Variants in ATRX observed in about 807,000 individuals in gnomAD.
ATRX encodes ATRX chromatin remodeler.
Under a neutral mutation model 172.6 loss-of-function variants are expected in ATRX, and 12 were observed. The observed-to-expected ratio is 0.07, with a 90% CI of 0.04 to 0.11. The LOEUF is 0.11. ATRX is among the 10% of genes least tolerant of loss of function. The pLI is 1.00. For synonymous variants in ATRX, 674 were observed against 594.7 expected, an observed-to-expected ratio of 1.13 and a Z score of -1.94; for missense variants, 1,368 against 1,767.4, an observed-to-expected ratio of 0.77 and a Z score of 4.05.
At chrX:77,750,850 G>T (rs557812840) in intron 1 of ATRX, among the ~76,000 whole-genome samples, 43 of 111,632 alleles carry the variant, frequency 3.9e-4, no homozygotes, top group African/African-American at 1.3e-3. Flanking sequence ...ACCTGCAAAA[G>T]ACACGAACTC....
At chrX:77,685,636 C>T (rs2071509761) in intron 7 of ATRX, among the ~76,000 whole-genome samples, 1 of 111,119 alleles carries the variant, frequency 9.0e-6, no homozygotes, top group South Asian at 3.8e-4. Context: ...TGGGAGATTC[C>T]TCAAAAAAAC....
rs782406232 is a variant in ATRX at position 77,567,244 on chromosome X, T to C, written c.6326+7006A>G. On this transcript the variant is annotated intron_variant, in intron 28 of 34. Coordinates refer to ENST00000373344, the MANE Select transcript of ATRX (RefSeq NM_000489.6). ...GAACCAACTGAACAAAAAAATAAAA[T>C]GGTAGACTGAAGCCTTACATTAAAT... 9.0e-5 allele frequency among the ~76,000 whole-genome samples: 10 copies of C among 111,639 alleles called. No homozygotes were observed. In the South Asian group the frequency reaches 1.8e-3, roughly 21 times the overall value.
intron 27 of ATRX, among the ~76,000 whole-genome samples, chrX:77,577,591 TTATATA>T (rs1256890795): frequency 1.8e-5 from 2 of 111,249 alleles, no homozygotes; most frequent in African/African-American, 6.5e-5. Flanking sequence ...AAATTTTATG[TTATATA>T]TATATTTACC....
chrX:77,517,260 A>T (rs902356414), intron 34 of ATRX, among the ~76,000 whole-genome samples: 3 of 111,769 alleles, frequency 2.7e-5, no homozygotes, highest in African/African-American at 6.5e-5. Flanking sequence ...TTGAGAAGAT[A>T]AACAAAACTG....
At position 77,526,288 on chromosome X, in the gene ATRX, T is replaced by C. The variant is rs1346725853; in HGVS notation, c.6700-2887A>G. On this transcript the variant is annotated intron_variant, in intron 30 of 34. Transcript: ENST00000373344. ...GATTCCAGGGGAGGGGGAACTTATGTCTATTTTCTTACTTTTAGCACTTTT... is the reference window on the plus strand; with the variant it reads ...GATTCCAGGGGAGGGGGAACTTATGCCTATTTTCTTACTTTTAGCACTTTT... Among the ~76,000 whole-genome samples, 6 of 111,614 alleles carry C rather than the reference T, an allele frequency of 5.4e-5. No individual in the cohort carries two copies. The Admixed American group carries it at 5.7e-4, about 11-fold the overall frequency.
intron 1 of ATRX, among the ~76,000 whole-genome samples, chrX:77,780,009 C>A (rs2076514186): frequency 8.9e-6 from 1 of 112,093 alleles, no homozygotes; most frequent in Non-Finnish European, 1.9e-5. Flanking sequence ...AGACGTACAT[C>A]TTCAATCATA....
intron 22 of ATRX, 28 bp downstream of exon 22, chrX:77,616,585 G>A: frequency 8.7e-7 from 1 of 1,153,140 alleles, no homozygotes; most frequent in South Asian, 1.8e-5. Flanking sequence ...TTATAGAGAA[G>A]ATGAAATCAA....
chrX:77,744,006 C>T (rs1426906285), intron 1 of ATRX, among the ~76,000 whole-genome samples: 1 of 112,554 alleles, frequency 8.9e-6, no homozygotes, highest in Admixed American at 9.4e-5. Flanking sequence ...ACCATTAATG[C>T]TATTTATAGC....
intron 34 of ATRX, among the ~76,000 whole-genome samples, chrX:77,519,493 G>A (rs1327338468): frequency 2.7e-5 from 3 of 111,127 alleles, no homozygotes; most frequent in African/African-American, 9.8e-5. Flanking sequence ...CCAACACTTT[G>A]GGAGGCTGAG....
intron 10 of ATRX, among the ~76,000 whole-genome samples, chrX:77,666,338 T>A (rs1307960028): frequency 8.9e-6 from 1 of 112,138 alleles, no homozygotes; most frequent in Non-Finnish European, 1.9e-5. Flanking sequence ...GATCAATGGT[T>A]TGCACACTGT....
At chrX:77,581,876 T>G (rs1039241772) in intron 27 of ATRX, among the ~76,000 whole-genome samples, 3 of 111,905 alleles carry the variant, frequency 2.7e-5, no homozygotes, top group Non-Finnish European at 5.6e-5. Context: ...ACAAGGTATT[T>G]TGGAAACTAT....
In ATRX at chrX:77,734,210, T is replaced by TACATACATACATACAC. The variant is rs2148820370; in HGVS notation, c.21-16968_21-16967insGTGTATGTATGTATGT. Among the ~76,000 whole-genome samples the TACATACATACATACAC allele has an allele frequency of 1.3e-4, 3 of 22,253 alleles. No homozygotes were observed. In the South Asian group the frequency reaches 4.2e-3, roughly 31 times the overall value. 19.3% of individuals were successfully genotyped at this position (22,253 alleles called of 115,157 possible). ...CAAAAGAGCAAGATTCTGTCTCAAA[T>TACATACATACATACAC]ACATACATACATACATACATACATA... is the stretch of plus-strand genomic sequence containing the variant. On this transcript the variant is annotated intron_variant, in intron 1 of 34. Coordinates refer to ENST00000373344, the MANE Select transcript of ATRX (RefSeq NM_000489.6).
chrX:77,632,364 A>G (rs45570231), intron 19 of ATRX, among the ~76,000 whole-genome samples: 1 of 111,889 alleles, frequency 8.9e-6, no homozygotes, highest in East Asian at 2.8e-4. Flanking sequence ...ACACTAGCTT[A>G]TAATTTTTCA....
chrX:77,735,634 AT>A (rs1227502087), intron 1 of ATRX, among the ~76,000 whole-genome samples: 13 of 94,365 alleles, frequency 1.4e-4, no homozygotes, highest in East Asian at 3.2e-4. Context: ...AAATAAATAA[AT>A]AAAAATAAAT....
chrX:77,605,292 G>A (rs1602768272), intron 22 of ATRX, among the ~76,000 whole-genome samples: 1 of 110,956 alleles, frequency 9.0e-6, no homozygotes, highest in East Asian at 2.8e-4. Flanking sequence ...GCCAAGCATG[G>A]TGGTGGGCGC....
At chrX:77,729,059 C>A in intron 1 of ATRX, among the ~76,000 whole-genome samples, 1 of 105,193 alleles carries the variant, frequency 9.5e-6, no homozygotes. Context: ...CGCACCTGGC[C>A]CAAAGAAAAT....
Position 77,583,579 on chromosome X carries a change from T to C in ATRX, c.6217+6255A>G, listed in dbSNP as rs782578367. ...ATTTCAATTCATGGTAAGAAAGCAT[T>C]TGACAAAATTCAACATCCCTTTATG... On this transcript the variant is annotated intron_variant, in intron 27 of 34. Transcript: ENST00000373344. Among the ~76,000 whole-genome samples, 59 of 110,362 alleles carry C rather than the reference T, an allele frequency of 5.3e-4. 1 individual carries two copies. Among genetic ancestry groups the C allele is most frequent in the Admixed American group, 1.3e-3 (14 of 10,431 alleles).
At chrX:77,610,814 T>G (rs782007281) in intron 22 of ATRX, among the ~76,000 whole-genome samples, 2 of 109,312 alleles carry the variant, frequency 1.8e-5, no homozygotes, top group South Asian at 7.7e-4. Flanking sequence ...TACCATAATA[T>G]AAACTATCCC....
chrX:77,685,325 T>A (rs2071491892), intron 7 of ATRX, among the ~76,000 whole-genome samples: 1 of 111,711 alleles, frequency 9.0e-6, no homozygotes, highest in Non-Finnish European at 1.9e-5. Flanking sequence ...TATAAAGAGC[T>A]CCAACAATTC....
Sources: gnomAD v4.1 joint callset for allele counts (sites outside exome capture counted in the v4.1 genomes callset) on GRCh38, gnomAD v4.1.1 for gene constraint, MANE v1.5 for transcripts, NCBI Gene and HGNC (gene_info 2026-07-23, HGNC 2026-07-21) for gene names.